Variants in TYRO3 observed in about 807,000 individuals in gnomAD.
TYRO3 encodes tyrosine-protein kinase receptor TYRO3.
In TYRO3, 38 loss-of-function variants were observed where a neutral mutation model predicts 95.2. The ratio of observed to expected loss-of-function variants is 0.40; its 90% CI spans 0.31 to 0.52. The LOEUF (loss-of-function observed/expected upper bound fraction) is 0.52, where lower values mean the gene tolerates loss of function less well. TYRO3 is among the 20% of genes least tolerant of loss of function. TYRO3 has a pLI of 0.56. For missense variants in TYRO3, 812 were observed against 1,116.4 expected (o/e 0.73, Z 3.89); for synonymous variants, 367 against 432.9 (o/e 0.85, Z 1.89).
At position 41,561,562 on chromosome 15, in the gene TYRO3, A is replaced by G; in HGVS notation, c.332A>G (p.Asp111Gly). ...AGCCTGAAGTCAGTGGAGCGCTCTG[A>G]CGCCGGCCGGTACTGGTGCCAGGTG... ...FLSLKSVERS[D>G]AGRYWCQVED... The change falls in exon 3 of 19, where the codon GAC (aspartate) becomes GGC (glycine). Residue 111 changes from aspartate to glycine, a missense_variant. Transcript: ENST00000263798. 6.3e-7 allele frequency: 1 copy of G among 1,591,170 alleles called. No individual in the cohort carries two copies. Among genetic ancestry groups the G allele is most frequent in the Admixed American group, 1.8e-5 (1 of 55,546 alleles).
At position 41,582,605 on chromosome 15, in the gene TYRO3, C is replaced by T. The variant is rs144371679; in HGVS notation, c.*4329C>T. ...GCTGAGGTAGGAGAATTGCTTGAAC[C>T]TGGGAGGTGGAAGTTGCTGTGAGAC... On this transcript the variant is annotated 3_prime_UTR_variant, in exon 19 of 19. Coordinates refer to ENST00000263798, the MANE Select transcript of TYRO3 (RefSeq NM_006293.4). 12 of 152,104 alleles carry T rather than the reference C, an allele frequency of 7.9e-5. No homozygotes were observed. The East Asian group carries it at 1.9e-3, about 24-fold the overall frequency. The allele number at this position is 152,104 out of a possible 1,614,324, so 9.4% of individuals were successfully genotyped here.
At chr15:41,573,284 T>C in intron 16 of TYRO3, 24 bp from the exon 17 acceptor site, 2 of 1,265,138 alleles carry the variant, frequency 1.6e-6, no homozygotes, top group South Asian at 1.3e-5. Context: ...GAAGGCTGAC[T>C]CTCTCCCTCA....
intron 9 of TYRO3, 45 bp from the exon 10 acceptor site, chr15:41,569,982 T>C (rs750786890): frequency 5.6e-6 from 9 of 1,594,060 alleles, no homozygotes; most frequent in Non-Finnish European, 3.4e-6. Context: ...TGAAGGGACC[T>C]CATGGTGTCA....
Position 41,578,828 on chromosome 15 carries a change from T to G in TYRO3, c.*552T>G. On this transcript the variant is annotated 3_prime_UTR_variant, in exon 19 of 19. Coordinates refer to ENST00000263798, the MANE Select transcript of TYRO3 (RefSeq NM_006293.4). ...GTCTGAATCTTCACCATCTTTCTGA[T>G]TCCGCACCCTGCCTACGCCAGGAGA... 6.3e-6 allele frequency: 1 copy of G among 157,988 alleles called. No homozygotes were observed. Among genetic ancestry groups the G allele is most frequent in the Non-Finnish European group, 1.4e-5 (1 of 72,064 alleles). 9.8% of individuals were successfully genotyped at this position (157,988 alleles called of 1,614,324 possible). A position where few individuals can be genotyped will look rare whatever the true frequency, so the allele number is the denominator to read the frequency against.
chr15:41,563,129 G>A (rs2140819388), intron 4 of TYRO3, among the ~76,000 whole-genome samples: 1 of 152,204 alleles, frequency 6.6e-6, no homozygotes, highest in Non-Finnish European at 1.5e-5. Context: ...CTGCAGAGAG[G>A]GGAGAGGAGG....
In TYRO3 at chr15:41,578,047, C is replaced by T. The variant is rs1042057; in HGVS notation, c.2444C>T (p.Ala815Val). 1,085 of 1,614,018 alleles carry T rather than the reference C, an allele frequency of 6.7e-4. 3 individuals are homozygous for T. The African/African-American group carries it at 0.013, about 20-fold the overall frequency. ...INIERAEEPT[A>V]GGSLELPGRD... ...ATCGAGAGAGCTGAGGAGCCCACTGCGGGAGGCAGCCTGGAGCTACCTGGC... is the reference window on the plus strand; with the variant it reads ...ATCGAGAGAGCTGAGGAGCCCACTGTGGGAGGCAGCCTGGAGCTACCTGGC... Residue 815 changes from alanine (A) to valine (V), a missense_variant, in exon 19 of 19, where the codon GCG (alanine) becomes GTG (valine). Coordinates refer to ENST00000263798, the MANE Select transcript of TYRO3 (RefSeq NM_006293.4).
intron 17 of TYRO3, 36 bp downstream of exon 17, chr15:41,573,503 A>C: frequency 6.2e-7 from 1 of 1,613,568 alleles, no homozygotes; most frequent in South Asian, 1.1e-5. Context: ...GGTGGGGACG[A>C]GTGTGAGAGC....
intron 12 of TYRO3, 39 bp from the exon 13 acceptor site, chr15:41,570,999 G>C (rs778435307): frequency 1.9e-6 from 3 of 1,595,296 alleles, no homozygotes; most frequent in East Asian, 4.5e-5. Flanking sequence ...AGGGAGCAGA[G>C]AGCCAAGGAG....
chr15:41,565,228 T>G, intron 6 of TYRO3, 87 bp downstream of exon 6: 1 of 803,522 alleles, frequency 1.2e-6, no homozygotes, highest in Non-Finnish European at 2.1e-6. Flanking sequence ...AGCCAGCTCC[T>G]GGGGGCTTGG....
chr15:41,568,701 C>T (rs2055756209), intron 8 of TYRO3, among the ~76,000 whole-genome samples, 177 bp from the exon 9 acceptor site: 1 of 152,060 alleles, frequency 6.6e-6, no homozygotes, highest in Non-Finnish European at 1.5e-5. Context: ...CTGGAGAGGC[C>T]CCTGCAGCCG....
rs773901734 is a variant in TYRO3, at chr15:41,561,290, G to A, written c.288G>A (p.Gln96=). 2 of 1,612,984 alleles carry A rather than the reference G, an allele frequency of 1.2e-6. No individual in the cohort carries two copies. Among genetic ancestry groups the A allele is most frequent in the East Asian group, 2.2e-5 (1 of 44,844 alleles). Residue 96 remains glutamine (Q), a synonymous_variant, in exon 2 of 19, where the codon CAG becomes CAA. Coordinates refer to ENST00000263798, the MANE Select transcript of TYRO3 (RefSeq NM_006293.4). ...LDQLYIPVSE[Q]HWIGFLSLKS... Reference sequence around the variant, plus strand: ...AGTTGTACATCCCAGTCAGCGAGCAGCACTGGATCGGCTTCCTCAGGTGCA... The same window carrying A: ...AGTTGTACATCCCAGTCAGCGAGCAACACTGGATCGGCTTCCTCAGGTGCA...
At position 41,573,725 on chromosome 15, in the gene TYRO3, C is replaced by T. The variant is rs2055828687; in HGVS notation, c.2192C>T (p.Thr731Met). The T allele has an allele frequency of 3.7e-6, 6 of 1,614,132 alleles. No individual in the cohort carries two copies. Among genetic ancestry groups the T allele is most frequent in the Admixed American group, 1.7e-5 (1 of 60,008 alleles). The change falls in exon 18 of 19, where the codon ACG becomes ATG. Residue 731 changes from threonine (T) to methionine (M), a missense_variant. Thr to Met is a moderately conservative substitution (Grantham distance 81). Coordinates refer to ENST00000263798, the MANE Select transcript of TYRO3 (RefSeq NM_006293.4). ...TMWEIMTRGQTPYAGIENAEI... is the reference protein window; with the variant it reads ...TMWEIMTRGQMPYAGIENAEI... Reference sequence around the variant, plus strand: ...TGGGAGATCATGACACGTGGGCAGACGCCATATGCTGGCATCGAAAACGCT... The same window carrying T: ...TGGGAGATCATGACACGTGGGCAGATGCCATATGCTGGCATCGAAAACGCT...
chr15:41,571,437 T>G, intron 13 of TYRO3, 158 bp from the exon 14 acceptor site: 1 of 632,752 alleles, frequency 1.6e-6, no homozygotes, highest in Non-Finnish European at 2.9e-6. Context: ...AGTTGCTAAG[T>G]ATCACCACTC....
rs143932446 is a variant in TYRO3 at position 41,571,614 on chromosome 15, C to T, written c.1680C>T (p.Ser560=). ...KMLKADIIAS[S]DIEEFLREAA... ...TCCTAGCTGACATCATTGCCTCAAG[C>T]GACATTGAAGAGTTCCTCAGGGAAG... The change falls in exon 14 of 19, where the codon AGC becomes AGT. Residue 560 remains serine, a synonymous_variant. Coordinates refer to ENST00000263798, the MANE Select transcript of TYRO3 (RefSeq NM_006293.4). 38 of 1,613,044 alleles carry T rather than the reference C, an allele frequency of 2.4e-5. No homozygotes were observed. The East Asian group carries it at 6.7e-4, about 28-fold the overall frequency.
chr15:41,564,257 T>G lies in TYRO3; in HGVS notation c.654T>G (p.Thr218=). Residue 218 remains threonine, a synonymous_variant, in exon 5 of 19, where the codon ACT becomes ACG. Transcript: ENST00000263798. Reference sequence around the variant, plus strand: ...GCCTGGCCTCTTCTCGCACAGCCACTGTTCACCTTCAAGGTAGGAGGGCTG... The same window carrying G: ...GCCTGGCCTCTTCTCGCACAGCCACGGTTCACCTTCAAGGTAGGAGGGCTG... The part of the protein sequence containing the change: ...LKGLASSRTA[T]VHLQALPAAP... 1 of 1,614,080 alleles carries G rather than the reference T, an allele frequency of 6.2e-7. No individual in the cohort carries two copies. Among genetic ancestry groups the G allele is most frequent in the Non-Finnish European group, 8.5e-7 (1 of 1,179,970 alleles).
At position 41,579,790 on chromosome 15, in the gene TYRO3, C is replaced by T. The variant is rs1255519765; in HGVS notation, c.*1514C>T. On this transcript the variant is annotated 3_prime_UTR_variant, in exon 19 of 19. Coordinates refer to ENST00000263798, the MANE Select transcript of TYRO3 (RefSeq NM_006293.4). Reference sequence around the variant, plus strand: ...TTTTTTTTTTTGAGACCGAGTCTCACTCTGTCGCCCAGGCTGGAGTGCAAT... The same window carrying T: ...TTTTTTTTTTTGAGACCGAGTCTCATTCTGTCGCCCAGGCTGGAGTGCAAT... The T allele has an allele frequency of 1.3e-5, 2 of 149,206 alleles. No homozygotes were observed. The highest frequency in any genetic ancestry group is 3.0e-5 in the Non-Finnish European group (2 of 67,510). 9.2% of individuals were successfully genotyped at this position (149,206 alleles called of 1,614,324 possible). A position where few individuals can be genotyped will look rare whatever the true frequency, so the allele number is the denominator to read the frequency against.
chr15:41,569,061 A>T, intron 9 of TYRO3, 39 bp downstream of exon 9: 1 of 1,609,602 alleles, frequency 6.2e-7, no homozygotes, highest in Non-Finnish European at 8.5e-7. Flanking sequence ...GGCTCAGGGG[A>T]TCAAGGTTTT....
At chr15:41,577,101 A>G (rs1477877972) in intron 18 of TYRO3, among the ~76,000 whole-genome samples, 3 of 152,066 alleles carry the variant, frequency 2.0e-5, no homozygotes, top group African/African-American at 7.2e-5. Flanking sequence ...CTCTTTGTGC[A>G]TGTTTCCACA....
intron 16 of TYRO3, 42 bp from the exon 17 acceptor site, chr15:41,573,266 G>GA: frequency 6.7e-7 from 1 of 1,494,386 alleles, no homozygotes; most frequent in Non-Finnish European, 9.1e-7. Context: ...GGGCCTGTGA[G>GA]CATGGCAGAA....
Sources: gnomAD v4.1 joint callset for allele counts (sites outside exome capture counted in the v4.1 genomes callset) on GRCh38, gnomAD v4.1.1 for gene constraint, MANE v1.5 for transcripts, NCBI Gene and HGNC (gene_info 2026-07-23, HGNC 2026-07-21) for gene names.